Variants in GPHN observed in about 807,000 individuals in gnomAD.
GPHN encodes the protein gephyrin.
Under a neutral mutation model 95.5 loss-of-function variants are expected in GPHN, and 17 were observed. The observed-to-expected ratio is 0.18, with a 90% CI of 0.12 to 0.27. The LOEUF (loss-of-function observed/expected upper bound fraction) is 0.27, where lower values mean the gene tolerates loss of function less well. GPHN is among the 10% of genes least tolerant of loss of function. The probability of loss-of-function intolerance (pLI) is 1.00; values close to 1 mark genes in which losing one functional copy is unlikely to be tolerated. For synonymous variants in GPHN, 320 were observed against 322.5 expected (o/e 0.99, Z 0.08); for missense variants, 660 against 978.1 (o/e 0.67, Z 4.34).
chr14:67,451,663 C>T, the GPHN span, among the ~76,000 whole-genome samples: 1 of 152,176 alleles, frequency 6.6e-6, no homozygotes, highest in Non-Finnish European at 1.5e-5. Context: ...AATGCCTGTA[C>T]CCCCATTGTA....
At chr14:67,350,141 C>T in the GPHN span, among the ~76,000 whole-genome samples, 4 of 152,182 alleles carry the variant, frequency 2.6e-5, no homozygotes, top group Non-Finnish European at 4.4e-5. Context: ...ACTGATGTCA[C>T]CAAAGCCATG....
At chr14:66,553,714 C>T (rs370591105) in intron 1 of GPHN, among the ~76,000 whole-genome samples, 5 of 152,190 alleles carry the variant, frequency 3.3e-5, no homozygotes, top group African/African-American at 9.6e-5. Context: ...GTAGCTGGGA[C>T]TACAGGCATG....
chr14:67,235,512 G>A, the GPHN span, among the ~76,000 whole-genome samples: 3 of 152,010 alleles, frequency 2.0e-5, no homozygotes, highest in Admixed American at 6.6e-5. Flanking sequence ...TCAGGAAATC[G>A]AGACCATCCT....
At position 66,818,146 on chromosome 14, in the gene GPHN, G is replaced by A. The variant is rs558665035; in HGVS notation, c.202-6328G>A. Among the ~76,000 whole-genome samples the A allele has an allele frequency of 2.0e-5, 3 of 152,188 alleles. No homozygotes were observed. In the South Asian group the frequency reaches 6.2e-4, roughly 32 times the overall value. On this transcript the variant is annotated intron_variant, in intron 3 of 22. Transcript: ENST00000478722. ...GTTTAGGGGTACATGTGTAGAATGT[G>A]TAGGTTTTTTACATAGGTAAACATA...
chr14:66,575,870 G>A (rs1417434464), intron 1 of GPHN, among the ~76,000 whole-genome samples: 4 of 152,156 alleles, frequency 2.6e-5, no homozygotes, highest in Admixed American at 1.3e-4. Context: ...TCCGTGGGAT[G>A]GGTCTAGAGT....
chr14:66,924,183 T>C lies in GPHN; in HGVS notation c.730-11T>C. On this transcript the variant is annotated splice_polypyrimidine_tract_variant and intron_variant, in intron 7 of 22. Coordinates refer to ENST00000478722, the MANE Select transcript of GPHN (RefSeq NM_020806.5). ...TCACTATATTCATAGTTGTTATGTG[T>C]TGTGCATTAGAAGCATCCATTCTAC... 1 of 1,456,040 alleles carries C rather than the reference T, an allele frequency of 6.9e-7. No individual in the cohort carries two copies. The highest frequency in any genetic ancestry group is 9.7e-7 in the Non-Finnish European group (1 of 1,035,906). The allele number at this position is 1,456,040 out of a possible 1,614,324, so 90.2% of individuals were successfully genotyped here.
intron 2 of GPHN, among the ~76,000 whole-genome samples, chr14:66,725,961 G>T (rs1215209060): frequency 6.6e-6 from 1 of 152,052 alleles, no homozygotes; most frequent in East Asian, 1.9e-4. Context: ...GATAAATCTG[G>T]TCCTTAGCAT....
the GPHN span, among the ~76,000 whole-genome samples, chr14:67,359,105 CA>C: frequency 6.6e-6 from 1 of 152,184 alleles, no homozygotes; most frequent in Admixed American, 6.5e-5. Context: ...CCTCTCACAG[CA>C]GGTGACATTT....
chr14:67,532,064 C>G, the GPHN span, among the ~76,000 whole-genome samples: 1 of 152,180 alleles, frequency 6.6e-6, no homozygotes, highest in Non-Finnish European at 1.5e-5. Flanking sequence ...CTATCCCAAT[C>G]CCCACGAGCT....
the GPHN span, among the ~76,000 whole-genome samples, chr14:67,679,174 T>C: frequency 5.9e-5 from 9 of 152,108 alleles, no homozygotes; most frequent in Non-Finnish European, 1.2e-4. Context: ...GGGACACAAG[T>C]CATCCTTTAA....
intron 2 of GPHN, among the ~76,000 whole-genome samples, chr14:66,713,570 C>T (rs2069874789): frequency 1.3e-5 from 2 of 151,990 alleles, no homozygotes; most frequent in African/African-American, 4.8e-5. Context: ...TAGTGTGATG[C>T]CTCCAGGTTT....
chr14:66,685,445 A>C (rs2067283248), intron 2 of GPHN, among the ~76,000 whole-genome samples: 1 of 152,188 alleles, frequency 6.6e-6, no homozygotes, highest in Non-Finnish European at 1.5e-5. Flanking sequence ...TTGCCATTCT[A>C]ACTGGTGTGA....
chr14:66,997,303 G>T (rs914830470), intron 9 of GPHN, among the ~76,000 whole-genome samples: 1 of 150,734 alleles, frequency 6.6e-6, no homozygotes, highest in African/African-American at 2.5e-5. Context: ...GGAGGCAGAG[G>T]TTGCAGTGAG....
chr14:67,333,212 C>A, the GPHN span: 1 of 329,650 alleles, frequency 3.0e-6, no homozygotes, highest in Non-Finnish European at 5.6e-6. Flanking sequence ...TTCAACAGAG[C>A]ATTCCATTTT....
chr14:67,644,012 G>C, the GPHN span, among the ~76,000 whole-genome samples: 1 of 151,904 alleles, frequency 6.6e-6, no homozygotes, highest in Non-Finnish European at 1.5e-5. Context: ...TATTAAGTCT[G>C]TCTGCTGTTC....
intron 4 of GPHN, among the ~76,000 whole-genome samples, chr14:66,828,961 C>T (rs999355846): frequency 3.3e-5 from 5 of 151,966 alleles, no homozygotes; most frequent in African/African-American, 1.2e-4. Flanking sequence ...AGCCTTCTCC[C>T]TGCCTCTAAA....
rs117553054 is a variant in GPHN, at chr14:66,577,403, C to A, written c.64+68812C>A. Reference sequence around the variant, plus strand: ...TCATTCTATAGTTTTTGTGTGCTTTCTACCACACACCAGTGCTTCTTAAGT... The same window carrying A: ...TCATTCTATAGTTTTTGTGTGCTTTATACCACACACCAGTGCTTCTTAAGT... On this transcript the variant is annotated intron_variant, in intron 1 of 22. Transcript: ENST00000478722. 3.6e-3 allele frequency among the ~76,000 whole-genome samples: 550 copies of A among 152,262 alleles called. 3 individuals are homozygous for A. Among genetic ancestry groups the A allele is most frequent in the Non-Finnish European group, 6.7e-3 (453 of 67,992 alleles).
the GPHN span, among the ~76,000 whole-genome samples, chr14:67,191,913 G>T: frequency 6.6e-6 from 1 of 152,210 alleles, no homozygotes; most frequent in Non-Finnish European, 1.5e-5. Context: ...CTGCAGAAAC[G>T]TACAACCTAA....
intron 1 of GPHN, among the ~76,000 whole-genome samples, chr14:66,517,013 C>A (rs2058272952): frequency 6.6e-6 from 1 of 151,152 alleles, no homozygotes; most frequent in African/African-American, 2.4e-5. Flanking sequence ...GCCTGTAATC[C>A]CAGCTACTCG....
Sources: allele counts gnomAD v4.1 joint callset (sites outside exome capture counted in the v4.1 genomes callset), GRCh38; gene constraint gnomAD v4.1.1; transcripts MANE v1.5; gene names NCBI Gene and HGNC (gene_info 2026-07-23, HGNC 2026-07-21).